DYM: variants seen among roughly 807,000 people sequenced by gnomAD.
DYM encodes dyggve-Melchior-Clausen syndrome protein.
In DYM, 78 loss-of-function variants were observed where a neutral mutation model predicts 93.1. The observed-to-expected ratio is 0.84, with a 90% CI of 0.70 to 1.01. The LOEUF is 1.01. Ranked by LOEUF, DYM falls within the 50% of genes least tolerant of loss-of-function variation. The pLI is 0.00. For missense variants in DYM, 789 were observed against 845.0 expected (o/e 0.93, Z 0.82); for synonymous variants, 321 against 319.7 (o/e 1.00, Z -0.04).
intron 14 of DYM, among the ~76,000 whole-genome samples, chr18:49,183,997 C>A (rs1288856919): frequency 6.6e-6 from 1 of 152,158 alleles, no homozygotes; most frequent in Non-Finnish European, 1.5e-5. Flanking sequence ...CCCCACTAGA[C>A]CCCACCCTAC....
At chr18:49,146,612 A>C (rs570448145) in intron 15 of DYM, among the ~76,000 whole-genome samples, 3 of 152,338 alleles carry the variant, frequency 2.0e-5, no homozygotes, top group South Asian at 4.1e-4. Flanking sequence ...CAAAGAGAAT[A>C]AAATATCTAG....
intron 11 of DYM, among the ~76,000 whole-genome samples, chr18:49,258,839 C>CAGAGAGAGAGAGAGAG (rs61360021): frequency 8.8e-6 from 1 of 113,718 alleles, no homozygotes; most frequent in Non-Finnish European, 1.8e-5. Context: ...CACACACACA[C>CAGAGAGAGAGAGAGAG]AGAGAGAGAG....
chr18:49,170,876 T>C (rs186303310), intron 14 of DYM, among the ~76,000 whole-genome samples: 12 of 136,542 alleles, frequency 8.8e-5, no homozygotes, highest in African/African-American at 3.4e-4. Context: ...AAATAAGAAG[T>C]AGGAGAAGAA....
chr18:49,337,499 T>C (rs932562095), intron 6 of DYM, among the ~76,000 whole-genome samples: 27 of 152,166 alleles, frequency 1.8e-4, no homozygotes, highest in Admixed American at 1.1e-3. Flanking sequence ...CCTTCTGAGA[T>C]TGTGAGTGCT....
chr18:49,057,814 C>T (rs357897), intron 17 of DYM, among the ~76,000 whole-genome samples: 104,017 of 152,226 alleles, frequency 0.68, 38,807 homozygotes, highest in Non-Finnish European at 0.84. Context: ...AAATTCAAGA[C>T]GTCTGGATTT....
At chr18:49,256,213 C>T (rs1393737329) in intron 13 of DYM, among the ~76,000 whole-genome samples, 1 of 152,028 alleles carries the variant, frequency 6.6e-6, no homozygotes, top group Non-Finnish European at 1.5e-5. Flanking sequence ...TGAATGTTAC[C>T]TTACATGGCA....
chr18:49,099,403 T>C (rs1406312800), intron 16 of DYM, among the ~76,000 whole-genome samples: 1 of 152,162 alleles, frequency 6.6e-6, no homozygotes, highest in African/African-American at 2.4e-5. Flanking sequence ...CCAGGTGATT[T>C]TGATGATCAG....
At chr18:49,386,286 A>G (rs1290747529) in intron 3 of DYM, among the ~76,000 whole-genome samples, 1 of 152,254 alleles carries the variant, frequency 6.6e-6, no homozygotes, top group Non-Finnish European at 1.5e-5. Context: ...AATGTTAACC[A>G]AGAATTCTAT....
At chr18:49,252,956 A>C (rs532083553) in intron 13 of DYM, among the ~76,000 whole-genome samples, 145 of 152,332 alleles carry the variant, frequency 9.5e-4, no homozygotes, top group Admixed American at 3.1e-3. Flanking sequence ...GCAAAACTCA[A>C]ATTAGATCTG....
At chr18:49,316,396 G>C (rs890766452) in intron 8 of DYM, among the ~76,000 whole-genome samples, 10 of 152,052 alleles carry the variant, frequency 6.6e-5, no homozygotes, top group African/African-American at 1.2e-4. Context: ...TAAAACTGAA[G>C]GCCTCCATCA....
At chr18:49,235,165 T>G (rs775144032) in intron 13 of DYM, among the ~76,000 whole-genome samples, 1 of 152,246 alleles carries the variant, frequency 6.6e-6, no homozygotes, top group Non-Finnish European at 1.5e-5. Flanking sequence ...AAATCTGTGT[T>G]GATTAAGCAG....
chr18:49,089,449 A>G (rs1380459414), intron 17 of DYM, among the ~76,000 whole-genome samples: 1 of 152,238 alleles, frequency 6.6e-6, no homozygotes, highest in African/African-American at 2.4e-5. Flanking sequence ...TACTTTAAGG[A>G]TCACAAAGTG....
intron 6 of DYM, among the ~76,000 whole-genome samples, chr18:49,335,216 C>G (rs1444069297): frequency 2.0e-5 from 3 of 152,170 alleles, no homozygotes; most frequent in African/African-American, 7.2e-5. Flanking sequence ...TTGAATAAAG[C>G]TCAGCTCTAC....
intron 8 of DYM, among the ~76,000 whole-genome samples, chr18:49,286,985 C>T (rs1599134968): frequency 6.6e-6 from 1 of 152,080 alleles, no homozygotes; most frequent in South Asian, 2.1e-4. Context: ...GAGGTCAGGA[C>T]TTCGAGACCA....
At chr18:49,044,775 G>A (rs1400275947) in intron 17 of DYM, among the ~76,000 whole-genome samples, 1 of 152,210 alleles carries the variant, frequency 6.6e-6, no homozygotes, top group Non-Finnish European at 1.5e-5. Flanking sequence ...CTGGAGGCAG[G>A]AGCAATGGCT....
rs1555671145 is a variant in DYM at position 49,272,006 on chromosome 18, G to GGAAA, written c.1251+171_1251+172insTTTC. 5.9e-5 allele frequency among the ~76,000 whole-genome samples: 8 copies of GGAAA among 134,570 alleles called. No homozygotes were observed. The East Asian group carries it at 6.5e-4, about 11-fold the overall frequency. The allele number at this position is 134,570 out of a possible 152,430, so 88.3% of individuals were successfully genotyped here. A position where few individuals can be genotyped will look rare whatever the true frequency, so the allele number is the denominator to read the frequency against. ...TTAATAGTGGTTAATAGTCATTCTG[G>GGAAA]AAAAAAAAAAAAAAAAAGCACCGCT... On this transcript the variant is annotated intron_variant, in intron 11 of 17. Coordinates refer to ENST00000675505, the MANE Select transcript of DYM (RefSeq NM_001353214.3).
intron 13 of DYM, among the ~76,000 whole-genome samples, chr18:49,220,644 A>G (rs561918077): frequency 0.026 from 4,030 of 152,290 alleles, 176 homozygotes; most frequent in African/African-American, 0.091. Context: ...GAGAAAAACA[A>G]TCAATGGGGA....
At chr18:49,183,497 T>C (rs1470599120) in intron 14 of DYM, among the ~76,000 whole-genome samples, 4 of 152,016 alleles carry the variant, frequency 2.6e-5, no homozygotes, top group African/African-American at 7.2e-5. Flanking sequence ...CCCTCCCCTA[T>C]ACAAACCTGC....
Position 49,355,262 on chromosome 18 carries a change from AATAG to A in DYM, c.494+7895_494+7898del, listed in dbSNP as rs1025018437. Among the ~76,000 whole-genome samples, 14 of 152,066 alleles carry A rather than the reference AATAG, an allele frequency of 9.2e-5. No individual in the cohort carries two copies. In the East Asian group the frequency reaches 1.5e-3, roughly 17 times the overall value. On this transcript the variant is annotated intron_variant, in intron 6 of 17. Coordinates refer to ENST00000675505, the MANE Select transcript of DYM (RefSeq NM_001353214.3). ...ATGTATCTATCAATGTATAGATATCAATAGATATAGATATCAATAGATATGCATT... is the reference window on the plus strand; with the variant it reads ...ATGTATCTATCAATGTATAGATATCAATATAGATATCAATAGATATGCATT...
Sources: allele counts gnomAD v4.1 joint callset (sites outside exome capture counted in the v4.1 genomes callset), GRCh38; gene constraint gnomAD v4.1.1; transcripts MANE v1.5; gene names NCBI Gene and HGNC (gene_info 2026-07-23, HGNC 2026-07-21).